Variants in NFATC3 observed in about 807,000 individuals in gnomAD.
NFATC3 encodes the protein nuclear factor of activated T cells 3.
NFATC3 carries 46 observed loss-of-function variants against 98.6 expected under a neutral mutation model. The ratio of observed to expected loss-of-function variants is 0.47; its 90% CI spans 0.37 to 0.60. NFATC3 has a LOEUF of 0.60. Among genes scored for constraint, NFATC3 ranks in the 20% least tolerant of loss-of-function variants. The pLI is 0.00. For synonymous variants in NFATC3, 512 were observed against 472.2 expected, an observed-to-expected ratio of 1.08 and a Z score of -1.09; for missense variants, 1,256 against 1,295.5, an observed-to-expected ratio of 0.97 and a Z score of 0.47.
At chr16:68,219,417 C>T (rs1288816933) in intron 9 of NFATC3, among the ~76,000 whole-genome samples, 2 of 152,068 alleles carry the variant, frequency 1.3e-5, no homozygotes, top group Admixed American at 1.3e-4. Context: ...AATAAATTAG[C>T]TGGTCTTGGT....
At chr16:68,155,074 T>A (rs989314406) in intron 3 of NFATC3, among the ~76,000 whole-genome samples, 7 of 152,204 alleles carry the variant, frequency 4.6e-5, no homozygotes, top group Admixed American at 3.3e-4. Flanking sequence ...TGGGTAAAAT[T>A]GTATTACCTA....
intron 3 of NFATC3, among the ~76,000 whole-genome samples, chr16:68,142,934 C>A (rs1459756201): frequency 6.6e-6 from 1 of 151,838 alleles, no homozygotes; most frequent in Non-Finnish European, 1.5e-5. Context: ...TAATAAATTA[C>A]AAGAAATATG....
At chr16:68,195,359 C>T (rs984127984) in intron 9 of NFATC3, among the ~76,000 whole-genome samples, 2 of 152,128 alleles carry the variant, frequency 1.3e-5, no homozygotes, top group African/African-American at 4.8e-5. Context: ...AAGCTCAGTG[C>T]TGCCAAGCAG....
intron 3 of NFATC3, among the ~76,000 whole-genome samples, chr16:68,145,889 T>C (rs1303636010): frequency 6.6e-6 from 1 of 152,162 alleles, no homozygotes; most frequent in African/African-American, 2.4e-5. Flanking sequence ...ATTGTATCAG[T>C]GTCAATGTCC....
intron 2 of NFATC3, among the ~76,000 whole-genome samples, chr16:68,124,654 C>G (rs1052175692): frequency 6.6e-6 from 1 of 151,796 alleles, no homozygotes; most frequent in African/African-American, 2.4e-5. Context: ...AGGATGGTCT[C>G]CATCTCCTGA....
At chr16:68,133,505 G>T (rs1048555359) in intron 3 of NFATC3, among the ~76,000 whole-genome samples, 1 of 151,968 alleles carries the variant, frequency 6.6e-6, no homozygotes, top group South Asian at 2.1e-4. Context: ...TATTTAACAC[G>T]CAAGTATAAA....
chr16:68,145,913 G>C (rs1306197727), intron 3 of NFATC3, among the ~76,000 whole-genome samples: 1 of 152,160 alleles, frequency 6.6e-6, no homozygotes. Flanking sequence ...TTTTGATACT[G>C]TGCTAACTAC....
At chr16:68,164,047 A>G (rs1482927252) in intron 4 of NFATC3, among the ~76,000 whole-genome samples, 1 of 147,814 alleles carries the variant, frequency 6.8e-6, no homozygotes, top group Non-Finnish European at 1.5e-5. Context: ...AGGCCAAGGC[A>G]GGCGGCTGGG....
At chr16:68,134,983 CT>C (rs138198329) in intron 3 of NFATC3, among the ~76,000 whole-genome samples, 12,008 of 148,062 alleles carry the variant, frequency 0.081, 600 homozygotes, top group Admixed American at 0.11. Flanking sequence ...GATACAGTCT[CT>C]TTTTTTTTTA....
At chr16:68,184,004 CAAA>C (rs34341175) in intron 8 of NFATC3, among the ~76,000 whole-genome samples, 3 of 62,256 alleles carry the variant, frequency 4.8e-5, no homozygotes, top group African/African-American at 6.2e-5. Context: ...AACTCCGTCA[CAAA>C]AAAAAAAAAA....
intron 8 of NFATC3, among the ~76,000 whole-genome samples, chr16:68,190,525 A>G (rs761571018): frequency 3.3e-5 from 5 of 152,206 alleles, no homozygotes; most frequent in African/African-American, 4.8e-5. Flanking sequence ...TGACTCTAAC[A>G]TAGTTTCTTG....
At chr16:68,102,676 T>C (rs1598361868) in intron 1 of NFATC3, among the ~76,000 whole-genome samples, 2 of 152,172 alleles carry the variant, frequency 1.3e-5, no homozygotes, top group Non-Finnish European at 2.9e-5. Context: ...TGGTCTGTCA[T>C]TGACCAAAAC....
chr16:68,188,042 C>T (rs2040279405), intron 8 of NFATC3, among the ~76,000 whole-genome samples: 1 of 152,186 alleles, frequency 6.6e-6, no homozygotes, highest in African/African-American at 2.4e-5. Context: ...TCATCAGTGC[C>T]CAAAGTCTGG....
At chr16:68,150,796 C>G (rs1293568805) in intron 3 of NFATC3, among the ~76,000 whole-genome samples, 1 of 152,136 alleles carries the variant, frequency 6.6e-6, no homozygotes, top group Non-Finnish European at 1.5e-5. Context: ...ACTGGGGTGG[C>G]TTCCCCATGC....
rs1040008858 is a variant in NFATC3, at chr16:68,226,762, G to T, written c.*291G>T. ...GAATGCAGCAGGCTCTCTTGTTTCC[G>T]AGGTGCTGCTTTTGCAGGTGACCTG... On this transcript the variant is annotated 3_prime_UTR_variant, in exon 10 of 10. Coordinates refer to ENST00000346183, the MANE Select transcript of NFATC3 (RefSeq NM_173165.3). The T allele has an allele frequency of 3.1e-5, 7 of 224,286 alleles. No homozygotes were observed. Among genetic ancestry groups the T allele is most frequent in the Non-Finnish European group, 4.3e-5 (5 of 115,606 alleles). 13.9% of individuals were successfully genotyped at this position (224,286 alleles called of 1,614,324 possible). A position where few individuals can be genotyped will look rare whatever the true frequency, so the allele number is the denominator to read the frequency against.
intron 9 of NFATC3, among the ~76,000 whole-genome samples, chr16:68,202,757 A>G (rs1167110706): frequency 6.6e-6 from 1 of 152,228 alleles, no homozygotes; most frequent in East Asian, 1.9e-4. Context: ...GGTTGCAGTG[A>G]GCCGAGATCG....
intron 3 of NFATC3, among the ~76,000 whole-genome samples, chr16:68,128,080 T>C (rs1598409763): frequency 6.6e-6 from 1 of 152,272 alleles, no homozygotes; most frequent in South Asian, 2.1e-4. Context: ...GTTTGTTGCC[T>C]TTATATACTA....
chr16:68,125,716 A>G (rs2036801067), intron 2 of NFATC3, among the ~76,000 whole-genome samples: 1 of 152,200 alleles, frequency 6.6e-6, no homozygotes, highest in African/African-American at 2.4e-5. Context: ...ATAAACAGAA[A>G]TGTGCCTCTT....
At chr16:68,135,968 C>T (rs944342091) in intron 3 of NFATC3, among the ~76,000 whole-genome samples, 12 of 151,630 alleles carry the variant, frequency 7.9e-5, no homozygotes, top group East Asian at 5.8e-4. Flanking sequence ...GAGGCTAAGG[C>T]GAGAGTATCA....
Sources: allele counts gnomAD v4.1 joint callset (sites outside exome capture counted in the v4.1 genomes callset), GRCh38; gene constraint gnomAD v4.1.1; transcripts MANE v1.5; gene names NCBI Gene and HGNC (gene_info 2026-07-23, HGNC 2026-07-21).